C16orf90: variants seen among roughly 807,000 people sequenced by gnomAD.
C16orf90 encodes the protein uncharacterized protein C16orf90.
In C16orf90, 17 loss-of-function variants were observed where a neutral mutation model predicts 17.1. The observed-to-expected ratio is 1.00, with a 90% confidence interval of 0.68 to 1.49. The LOEUF (loss-of-function observed/expected upper bound fraction) is 1.49. Among genes scored for constraint, C16orf90 ranks in the 40% most tolerant of loss-of-function variants. The pLI, the probability that C16orf90 is intolerant of heterozygous loss-of-function variation, is 0.00. For missense variants in C16orf90, 255 were observed against 235.5 expected, an observed-to-expected ratio of 1.08 and a Z score of -0.54; for synonymous variants, 108 against 95.8, an observed-to-expected ratio of 1.13 and a Z score of -0.75.
chr16:3,495,509 C>G, upstream of C16orf90: 1 of 1,555,646 alleles, frequency 6.4e-7, no homozygotes, highest in Non-Finnish European at 8.7e-7. Flanking sequence ...ATTGGCAGGT[C>G]TCCCCTGGCA....
In C16orf90 at chr16:3,494,708, G is replaced by A. The variant is rs768319507; in HGVS notation, c.216C>T (p.His72=). 6.2e-7 allele frequency: 1 copy of A among 1,609,324 alleles called. No individual in the cohort carries two copies. The highest frequency in any genetic ancestry group is 1.1e-5 in the South Asian group (1 of 90,894). Residue 72 remains histidine, a synonymous_variant, in exon 2 of 3, where the codon CAC becomes CAT. Transcript: ENST00000437192. ...TCTCACACTGGCCAGTGGGTGGCGG[G>A]TGGCTCTCCAGGTAGAGGCCCAGGC... The part of the protein sequence containing the change: ...LRGLGLYLES[H]PPPTGQCESH...
chr16:3,496,611 C>G (rs2037314279), upstream of C16orf90: 2 of 531,620 alleles, frequency 3.8e-6, no homozygotes, highest in Non-Finnish European at 7.5e-6. Context: ...GACGGCGGCC[C>G]CGTCCTACTC....
At chr16:3,496,122 C>G (rs1260510323), upstream of C16orf90, 1 of 377,096 alleles carries the variant, frequency 2.7e-6, no homozygotes, top group Non-Finnish European at 5.1e-6. Flanking sequence ...GCCTGGGCTG[C>G]AGAGCGAGAC....
At chr16:3,496,242 G>C (rs1214106515), upstream of C16orf90, 1 of 644,924 alleles carries the variant, frequency 1.6e-6, no homozygotes, top group African/African-American at 1.8e-5. Context: ...TAAAGGTTCG[G>C]CGCAAAGAGC....
rs1261834236 is a variant in C16orf90 at position 3,494,731 on chromosome 16, G to A, written c.193C>T (p.Leu65=). The change falls in exon 2 of 3, where the codon CTG becomes TTG. Residue 65 remains leucine, a synonymous_variant. Coordinates refer to ENST00000437192, the MANE Select transcript of C16orf90 (RefSeq NM_001080524.2). ...KNFRLRHLRG[L]GLYLESHPPP... ...GGGTGGCTCTCCAGGTAGAGGCCCA[G>A]GCCCCGGAGGTGGCGCAGCCGGAAG... 2 of 1,605,484 alleles carry A rather than the reference G, an allele frequency of 1.2e-6. No individual in the cohort carries two copies. Among genetic ancestry groups the A allele is most frequent in the Non-Finnish European group, 1.7e-6 (2 of 1,176,790 alleles).
intron 2 of C16orf90, 91 bp from the exon 3 acceptor site, chr16:3,494,078 C>A (rs2037268615): frequency 1.8e-6 from 2 of 1,139,026 alleles, no homozygotes; most frequent in Non-Finnish European, 2.5e-6. Context: ...TTCCAGAATC[C>A]GATATTCTTG....
In C16orf90 at chr16:3,494,690, C is replaced by G. The variant is rs1247844637; in HGVS notation, c.234G>C (p.Gln78His). The G allele has an allele frequency of 1.2e-6, 2 of 1,610,874 alleles. No individual in the cohort carries two copies. Among genetic ancestry groups the G allele is most frequent in the Admixed American group, 1.7e-5 (1 of 59,790 alleles). ...GCCGGCCCAGCCAGTGGCTCTCACA[C>G]TGGCCAGTGGGTGGCGGGTGGCTCT... is the stretch of plus-strand genomic sequence containing the variant. ...YLESHPPPTG[Q>H]CESHWLGRLM... The change falls in exon 2 of 3, where the codon CAG becomes CAC. Residue 78 changes from glutamine to histidine, a missense_variant. By Grantham distance (24) the Gln-to-His change is conservative (BLOSUM62 0). Coordinates refer to ENST00000437192, the MANE Select transcript of C16orf90 (RefSeq NM_001080524.2).
chr16:3,494,966 A>C, intron 1 of C16orf90, 89 bp from the exon 2 acceptor site: 193 of 1,007,684 alleles, frequency 1.9e-4, no homozygotes, highest in Middle Eastern at 9.8e-4. Context: ...AGACCAGCTC[A>C]CATGATGGGC....
upstream of C16orf90, chr16:3,496,267 A>G (rs2037308295): frequency 2.7e-6 from 2 of 734,942 alleles, no homozygotes; most frequent in East Asian, 7.2e-5. Flanking sequence ...GAGCCAGGAT[A>G]TCTAACTGAG....
At chr16:3,495,217 G>A (rs918735691) in intron 1 of C16orf90, among the ~76,000 whole-genome samples, 159 bp downstream of exon 1, 2 of 152,188 alleles carry the variant, frequency 1.3e-5, no homozygotes, top group African/African-American at 4.8e-5. Context: ...TGCACAGTGG[G>A]TTTGAGAGAA....
upstream of C16orf90, chr16:3,495,614 A>C (rs1161118566): frequency 7.5e-6 from 9 of 1,207,192 alleles, no homozygotes; most frequent in Non-Finnish European, 8.9e-6. Context: ...GGGTGAAAGA[A>C]AGGCATGGGA....
rs1023683517 is a variant in C16orf90, at chr16:3,493,719, G to A, written c.*120C>T. 8.5e-6 allele frequency: 8 copies of A among 937,916 alleles called. No homozygotes were observed. In the African/African-American group the frequency reaches 9.9e-5, roughly 12 times the overall value. 58.1% of individuals were successfully genotyped at this position (937,916 alleles called of 1,614,324 possible). A position where few individuals can be genotyped will look rare whatever the true frequency, so the allele number is the denominator to read the frequency against. On this transcript the variant is annotated 3_prime_UTR_variant, in exon 3 of 3. Transcript: ENST00000437192. ...CTCCCGAGGCCCAGGCCTGGGCGCTGGGCCGCTGCCTGGGCCACCCCATGT... is the reference window on the plus strand; with the variant it reads ...CTCCCGAGGCCCAGGCCTGGGCGCTAGGCCGCTGCCTGGGCCACCCCATGT...
In C16orf90 at chr16:3,494,016, T is replaced by C. The variant is rs763960646; in HGVS notation, c.401-29A>G. 2.3e-5 allele frequency: 37 copies of C among 1,587,876 alleles called. No individual in the cohort carries two copies. The African/African-American group carries it at 4.6e-4, about 20-fold the overall frequency. On this transcript the variant is annotated intron_variant, in intron 2 of 2. Coordinates refer to ENST00000437192, the MANE Select transcript of C16orf90 (RefSeq NM_001080524.2). ...AGGAAAGAGGAGAGAAAGGAGTCACTTGAGGGACCCAAGGGGAGGCTGGGG... is the reference window on the plus strand; with the variant it reads ...AGGAAAGAGGAGAGAAAGGAGTCACCTGAGGGACCCAAGGGGAGGCTGGGG...
rs369623234 is a variant in C16orf90 at position 3,495,369 on chromosome 16, C to T, written c.46+7G>A. 96 of 1,605,422 alleles carry T rather than the reference C, an allele frequency of 6.0e-5. No individual in the cohort carries two copies. The highest frequency in any genetic ancestry group is 7.7e-5 in the Non-Finnish European group (91 of 1,175,898). ...TCTTCCTGCCACTCCTCCCCACAGCCCGGCACCTTCTCTTATGTGCAGCTC... is the reference window on the plus strand; with the variant it reads ...TCTTCCTGCCACTCCTCCCCACAGCTCGGCACCTTCTCTTATGTGCAGCTC... On this transcript the variant is annotated splice_region_variant and intron_variant, in intron 1 of 2. Coordinates refer to ENST00000437192, the MANE Select transcript of C16orf90 (RefSeq NM_001080524.2).
At chr16:3,494,254 C>T (rs931717886) in intron 2 of C16orf90, among the ~76,000 whole-genome samples, 5 of 152,308 alleles carry the variant, frequency 3.3e-5, no homozygotes, top group African/African-American at 1.2e-4. Flanking sequence ...GATTCCAAGG[C>T]CCCTCACCGA....
At position 3,493,576 on chromosome 16, in the gene C16orf90, G is replaced by T; in HGVS notation, c.*263C>A. On this transcript the variant is annotated 3_prime_UTR_variant, in exon 3 of 3. Coordinates refer to ENST00000437192, the MANE Select transcript of C16orf90 (RefSeq NM_001080524.2). The stretch of plus-strand genomic sequence containing the variant: ...GGGGGCCTGATTCTGCACTCAGCCC[G>T]GCCTCCCAGGTACAAGTGGCTGACT... 2 of 326,876 alleles carry T rather than the reference G, an allele frequency of 6.1e-6. No homozygotes were observed. The highest frequency in any genetic ancestry group is 3.9e-5 in the Admixed American group (1 of 25,444). 20.2% of individuals were successfully genotyped at this position (326,876 alleles called of 1,614,324 possible).
chr16:3,494,146 G>T (rs2037269541), intron 2 of C16orf90, among the ~76,000 whole-genome samples, 159 bp from the exon 3 acceptor site: 1 of 152,144 alleles, frequency 6.6e-6, no homozygotes, highest in Non-Finnish European at 1.5e-5. Flanking sequence ...GGGGAGGGAG[G>T]AGGTTGAGGG....
upstream of C16orf90, chr16:3,495,562 G>A: frequency 3.4e-6 from 5 of 1,482,158 alleles, no homozygotes; most frequent in Non-Finnish European, 2.7e-6. Context: ...CAGCCTTCCT[G>A]GACCCCTAGT....
At chr16:3,496,181 G>A, upstream of C16orf90, 1 of 523,576 alleles carries the variant, frequency 1.9e-6, no homozygotes, top group Non-Finnish European at 3.6e-6. Context: ...TCCGGACCTG[G>A]CCAAGCAGGA....
Sources: gnomAD v4.1 joint callset for allele counts (sites outside exome capture counted in the v4.1 genomes callset) on GRCh38, gnomAD v4.1.1 for gene constraint, MANE v1.5 for transcripts, NCBI Gene and HGNC (gene_info 2026-07-23, HGNC 2026-07-21) for gene names.